Variants in ATP12A observed in about 807,000 individuals in gnomAD.
ATP12A encodes the protein ATPase H+/K+ transporting non-gastric alpha2 subunit, also known as potassium-transporting ATPase alpha chain 2.
A neutral mutation model predicts 111.2 loss-of-function variants in ATP12A; 81 were observed. The ratio of observed to expected loss-of-function variants is 0.73; its 90% confidence interval spans 0.61 to 0.88. ATP12A has a LOEUF of 0.88. Ranked by LOEUF, ATP12A falls within the 40% of genes least tolerant of loss-of-function variation. The pLI, the probability that ATP12A is intolerant of heterozygous loss-of-function variation, is 0.00. For missense variants in ATP12A, 1,196 were observed against 1,313.1 expected (o/e 0.91, Z 1.38); for synonymous variants, 498 against 499.8 (o/e 1.00, Z 0.05).
intron 14 of ATP12A, 47 bp from the exon 15 acceptor site, chr13:24,706,266 C>T (rs778501189): frequency 6.3e-7 from 1 of 1,598,548 alleles, no homozygotes. Flanking sequence ...GTGTTTCAAC[C>T]TAAGATCTGC....
At position 24,684,313 on chromosome 13, in the gene ATP12A, T is replaced by A. The variant is rs187902687; in HGVS notation, c.169-1001T>A. On this transcript the variant is annotated intron_variant, in intron 2 of 22. Transcript: ENST00000381946. ...AAGAGGGCTAGAAGCAAGATAATAA[T>A]GATAATAATGAATTCTGCTTTATTG... Among the ~76,000 whole-genome samples the A allele has an allele frequency of 6.9e-4, 105 of 152,278 alleles. 1 individual carries two copies. The Middle Eastern group carries it at 0.01, about 15-fold the overall frequency.
intron 6 of ATP12A, 30 bp downstream of exon 6, chr13:24,690,502 A>T: frequency 6.2e-7 from 1 of 1,611,752 alleles, no homozygotes; most frequent in East Asian, 2.2e-5. Flanking sequence ...CACCCCAAGG[A>T]CCATGTTCCA....
At chr13:24,686,700 C>T (rs1336991781) in intron 3 of ATP12A, among the ~76,000 whole-genome samples, 2 of 151,270 alleles carry the variant, frequency 1.3e-5, no homozygotes, top group Non-Finnish European at 3.0e-5. Context: ...GATCGCGCCA[C>T]TGCCCTCCAG....
At chr13:24,694,354 G>C in intron 10 of ATP12A, 90 bp from the exon 11 acceptor site, 1 of 1,489,084 alleles carries the variant, frequency 6.7e-7, no homozygotes, top group Non-Finnish European at 9.1e-7. Flanking sequence ...GGTGGTAATG[G>C]GATCAGGAGG....
chr13:24,698,792 T>G lies in ATP12A; in HGVS notation c.1647T>G (p.Thr549=), dbSNP rs754529404. Residue 549 remains threonine, a synonymous_variant, in exon 12 of 23, where the codon ACT becomes ACG. Coordinates refer to ENST00000381946, the MANE Select transcript of ATP12A (RefSeq NM_001676.7). The part of the protein sequence containing the change: ...NGEEHPLDKS[T]AKTFHTAYME... ...AGGAGCACCCACTGGACAAGAGCACTGCCAAGACCTTCCACACAGCCTACA... is the reference window on the plus strand; with the variant it reads ...AGGAGCACCCACTGGACAAGAGCACGGCCAAGACCTTCCACACAGCCTACA... The G allele has an allele frequency of 3.1e-6, 5 of 1,614,040 alleles. No individual in the cohort carries two copies. The highest frequency in any genetic ancestry group is 4.2e-6 in the Non-Finnish European group (5 of 1,180,010).
intron 5 of ATP12A, among the ~76,000 whole-genome samples, 186 bp from the exon 6 acceptor site, chr13:24,690,152 C>T (rs1254892765): frequency 6.6e-6 from 1 of 152,118 alleles, no homozygotes; most frequent in Non-Finnish European, 1.5e-5. Context: ...TTCTGACAGC[C>T]TCATGCTCCA....
rs779920361 is a variant in ATP12A, at chr13:24,706,341, A to G, written c.2047A>G (p.Met683Val). 2 of 1,614,196 alleles carry G rather than the reference A, an allele frequency of 1.2e-6. No individual in the cohort carries two copies. The highest frequency in any genetic ancestry group is 1.7e-6 in the Non-Finnish European group (2 of 1,180,012). The change falls in exon 15 of 23, where the codon ATG (methionine) becomes GTG (valine). Residue 683 changes from methionine to valine, a missense_variant. Physicochemically the swap from Met to Val is conservative, Grantham distance 21. This residue lies in a region of ATP12A where 1,126 missense variants were observed against 1,228.5 expected (regional missense o/e 0.92). Transcript: ENST00000381946. ...TGCCAAGGCCGCTGTGGTGACTGGC[A>G]TGGAGCTGAAGGACATGAGCTCAGA... ...RDAKAAVVTG[M>V]ELKDMSSEQL...
chr13:24,699,035 C>T (rs1188619357), intron 12 of ATP12A, among the ~76,000 whole-genome samples, 185 bp downstream of exon 12: 1 of 152,144 alleles, frequency 6.6e-6, no homozygotes, highest in Non-Finnish European at 1.5e-5. Context: ...GGTGGGATGG[C>T]CTCCAGAGAG....
In ATP12A at chr13:24,706,334, G is replaced by A. The variant is rs1875632864; in HGVS notation, c.2040G>A (p.Val680=). The change falls in exon 15 of 23, where the codon GTG becomes GTA. Residue 680 remains valine (V), a synonymous_variant. Coordinates refer to ENST00000381946, the MANE Select transcript of ATP12A (RefSeq NM_001676.7). ...CTAGGGATGCCAAGGCCGCTGTGGT[G>A]ACTGGCATGGAGCTGAAGGACATGA... The part of the protein sequence containing the change: ...VNKRDAKAAV[V]TGMELKDMSS... 1 of 1,614,172 alleles carries A rather than the reference G, an allele frequency of 6.2e-7. No individual in the cohort carries two copies. Among genetic ancestry groups the A allele is most frequent in the Non-Finnish European group, 8.5e-7 (1 of 1,180,000 alleles).
intron 1 of ATP12A, 88 bp from the exon 2 acceptor site, chr13:24,681,474 C>T: frequency 6.8e-7 from 1 of 1,470,108 alleles, no homozygotes; most frequent in Non-Finnish European, 9.2e-7. Flanking sequence ...CTCCTGACTC[C>T]TGCAGGTCCT....
intron 17 of ATP12A, among the ~76,000 whole-genome samples, chr13:24,708,826 AAG>A (rs1028028518): frequency 1.3e-5 from 2 of 151,194 alleles, no homozygotes; most frequent in Non-Finnish European, 2.9e-5. Context: ...AAGAAAGAGA[AAG>A]AGAGAAAGAA....
rs1169876107 is a variant in ATP12A at position 24,700,840 on chromosome 13, T to G, written c.1799T>G (p.Phe600Cys). Reference sequence around the variant, plus strand: ...AACTTTCCGACCTCCAACCTCTGTTTTGTGGGACTCTTGTCAATGATCGAT... The same window carrying G: ...AACTTTCCGACCTCCAACCTCTGTTGTGTGGGACTCTTGTCAATGATCGAT... ...AMNFPTSNLC[F>C]VGLLSMIDPP... The change falls in exon 13 of 23, where the codon TTT becomes TGT. Residue 600 changes from phenylalanine to cysteine, a missense_variant. By Grantham distance (205) the Phe-to-Cys change is radical. Transcript: ENST00000381946. 5 of 1,614,080 alleles carry G rather than the reference T, an allele frequency of 3.1e-6. No individual in the cohort carries two copies. The highest frequency in any genetic ancestry group is 4.2e-6 in the Non-Finnish European group (5 of 1,180,040).
intron 3 of ATP12A, among the ~76,000 whole-genome samples, chr13:24,686,656 G>C (rs1032927675): frequency 6.6e-6 from 1 of 151,730 alleles, no homozygotes; most frequent in African/African-American, 2.4e-5. Context: ...GGAGAATGGC[G>C]TGAACCTGGG....
Position 24,709,420 on chromosome 13 carries a change from G to A in ATP12A, c.2550G>A (p.Lys850=), listed in dbSNP as rs775168704. 1.9e-6 allele frequency: 3 copies of A among 1,613,862 alleles called. No individual in the cohort carries two copies. The highest frequency in any genetic ancestry group is 1.7e-5 in the Admixed American group (1 of 59,976). The change falls in exon 18 of 23, where the codon AAG becomes AAA. Residue 850 remains lysine, a synonymous_variant. Transcript: ENST00000381946. The part of the protein sequence containing the change: ...EKAESDIMNR[K]PRHKNKDRLV... The stretch of plus-strand genomic sequence containing the variant: ...CTGAAAGTGACATCATGAACAGGAA[G>A]CCTCGCCACAAGAATAAGGACAGGC...
intron 2 of ATP12A, among the ~76,000 whole-genome samples, chr13:24,684,682 G>A (rs1335222589): frequency 6.6e-6 from 1 of 152,256 alleles, no homozygotes; most frequent in Non-Finnish European, 1.5e-5. Context: ...CTCCCAGAAT[G>A]GCAGCAGGGC....
At chr13:24,690,577 G>A (rs7996486) in intron 6 of ATP12A, 27 bp from the exon 7 acceptor site, 386,839 of 1,604,168 alleles carry the variant, frequency 0.24, 50,836 homozygotes, top group East Asian at 0.5. Flanking sequence ...GTACCCAGCT[G>A]TGAACCACCT....
chr13:24,701,704 A>C (rs573847540), intron 13 of ATP12A, among the ~76,000 whole-genome samples: 7 of 152,308 alleles, frequency 4.6e-5, no homozygotes, highest in African/African-American at 1.7e-4. Context: ...TCAAAGGGGA[A>C]GGGCTTCCTT....
At chr13:24,697,730 T>TGTTTG (rs1875227183) in intron 11 of ATP12A, among the ~76,000 whole-genome samples, 1 of 147,286 alleles carries the variant, frequency 6.8e-6, no homozygotes, top group African/African-American at 2.5e-5. Context: ...GGAGGTTTTC[T>TGTTTG]GTTTGGTTTG....
intron 17 of ATP12A, among the ~76,000 whole-genome samples, chr13:24,708,895 AGAAAG>A (rs1207354151): frequency 2.6e-4 from 36 of 138,262 alleles, no homozygotes; most frequent in African/African-American, 8.9e-4. Context: ...AGAGAAAGAA[AGAAAG>A]GAAAGAAAGA....
Sources: gnomAD v4.1 joint callset for allele counts (sites outside exome capture counted in the v4.1 genomes callset) on GRCh38, gnomAD v4.1.1 for gene constraint, gnomAD v4.1.1 regional missense constraint, MANE v1.5 for transcripts, NCBI Gene and HGNC (gene_info 2026-07-23, HGNC 2026-07-21) for gene names.